Variants in CDH20 observed in about 807,000 individuals in gnomAD.
CDH20 encodes the protein cadherin-20.
Under a neutral mutation model 74.2 loss-of-function variants are expected in CDH20, and 29 were observed. The ratio of observed to expected loss-of-function variants is 0.39; its 90% confidence interval spans 0.29 to 0.53. The LOEUF is 0.53. Ranked by LOEUF, CDH20 falls within the 20% of genes least tolerant of loss-of-function variation. The pLI is 0.69. For missense variants in CDH20, 988 were observed against 1,048.3 expected (o/e 0.94, Z 0.79); for synonymous variants, 469 against 405.4 (o/e 1.16, Z -1.88).
At chr18:61,381,989 C>T (rs1321156377) in intron 1 of CDH20, among the ~76,000 whole-genome samples, 3 of 152,150 alleles carry the variant, frequency 2.0e-5, no homozygotes, top group African/African-American at 4.8e-5. Flanking sequence ...ATGGTCACAA[C>T]TTCTGCTACT....
intron 1 of CDH20, among the ~76,000 whole-genome samples, chr18:61,459,316 A>G (rs1174130666): frequency 6.6e-6 from 1 of 152,036 alleles, no homozygotes; most frequent in African/African-American, 2.4e-5. Context: ...TCTCACACTC[A>G]CCTCAATTAA....
At chr18:61,522,919 A>G (rs750709639) in intron 6 of CDH20, among the ~76,000 whole-genome samples, 13 of 152,228 alleles carry the variant, frequency 8.5e-5, no homozygotes, top group Non-Finnish European at 1.3e-4. Flanking sequence ...TTAACTCAAG[A>G]TGGATTAAAA....
intron 7 of CDH20, among the ~76,000 whole-genome samples, chr18:61,530,801 T>C (rs748822325): frequency 2.0e-5 from 3 of 152,196 alleles, no homozygotes; most frequent in Non-Finnish European, 4.4e-5. Flanking sequence ...ATGTGGAAAC[T>C]GCCTGCCCCC....
intron 6 of CDH20, among the ~76,000 whole-genome samples, 183 bp downstream of exon 6, chr18:61,507,743 T>C (rs1444881756): frequency 6.6e-6 from 1 of 151,564 alleles, no homozygotes; most frequent in Non-Finnish European, 1.5e-5. Flanking sequence ...ATGAAAACAC[T>C]GGCTGTGCCA....
At chr18:61,408,141 G>C (rs1323436366) in intron 1 of CDH20, among the ~76,000 whole-genome samples, 2 of 152,094 alleles carry the variant, frequency 1.3e-5, no homozygotes, top group African/African-American at 4.8e-5. Context: ...TATCATTTAT[G>C]ATACTGAGTT....
chr18:61,386,527 A>G (rs1465633577), intron 1 of CDH20, among the ~76,000 whole-genome samples: 2 of 152,194 alleles, frequency 1.3e-5, no homozygotes, highest in East Asian at 1.9e-4. Flanking sequence ...TAGAAGCCCA[A>G]ACGAATTAAG....
chr18:61,403,093 T>C (rs1010758961), intron 1 of CDH20, among the ~76,000 whole-genome samples: 2 of 152,170 alleles, frequency 1.3e-5, no homozygotes, highest in African/African-American at 4.8e-5. Flanking sequence ...ATCAAGATCT[T>C]ATAAATAGTG....
chr18:61,484,452 G>A (rs998846697), intron 1 of CDH20, among the ~76,000 whole-genome samples: 3 of 152,052 alleles, frequency 2.0e-5, no homozygotes, highest in East Asian at 1.9e-4. Context: ...CAATCTATTC[G>A]CCAGCCTTGG....
chr18:61,491,995 G>A (rs1011745031), intron 2 of CDH20, among the ~76,000 whole-genome samples: 2 of 151,972 alleles, frequency 1.3e-5, no homozygotes, highest in East Asian at 2.0e-4. Context: ...GGGTGGACTC[G>A]CCACCTCTGC....
At chr18:61,547,977 A>G (rs1913311103) in intron 10 of CDH20, among the ~76,000 whole-genome samples, 1 of 152,234 alleles carries the variant, frequency 6.6e-6, no homozygotes, top group Admixed American at 6.5e-5. Flanking sequence ...CAGACTTTCT[A>G]AAAGTCTCAT....
Position 61,544,304 on chromosome 18 carries a change from CGT to C in CDH20, c.1531-718_1531-717del, listed in dbSNP as rs1913148787. Among the ~76,000 whole-genome samples the C allele has an allele frequency of 2.0e-5, 3 of 152,346 alleles. No individual in the cohort carries two copies. In the South Asian group the frequency reaches 6.2e-4, roughly 32 times the overall value. On this transcript the variant is annotated intron_variant, in intron 9 of 11. Transcript: ENST00000262717. ...CTAGGACTCCTGAAGCCCAAGTGGG[CGT>C]GTGTTACAGTGTGCTCACTCTCAGC...
chr18:61,373,997 G>A (rs1043710839), intron 1 of CDH20, among the ~76,000 whole-genome samples: 4 of 152,124 alleles, frequency 2.6e-5, no homozygotes, highest in African/African-American at 9.7e-5. Flanking sequence ...AGTCTTTTCT[G>A]TAAGATTGAG....
chr18:61,526,704 A>T (rs1336384140), intron 6 of CDH20, among the ~76,000 whole-genome samples: 1 of 152,200 alleles, frequency 6.6e-6, no homozygotes, highest in Non-Finnish European at 1.5e-5. Context: ...GAAAAAAAAA[A>T]TTCTGAAGAT....
chr18:61,500,041 T>G lies in CDH20; in HGVS notation c.542-342T>G, dbSNP rs925226449. On this transcript the variant is annotated intron_variant, in intron 3 of 11. Transcript: ENST00000262717. ...ATCACTTGAACCCGGGAGGTGGAGATTTCAGTGAGCTGAGATCACGCCACT... is the reference window on the plus strand; with the variant it reads ...ATCACTTGAACCCGGGAGGTGGAGAGTTCAGTGAGCTGAGATCACGCCACT... Among the ~76,000 whole-genome samples the G allele has an allele frequency of 1.5e-4, 20 of 135,996 alleles. 2 individuals carry two copies. The highest frequency in any genetic ancestry group is 9.9e-4 in the Admixed American group (12 of 12,106). The allele number at this position is 135,996 out of a possible 152,430, so 89.2% of individuals were successfully genotyped here.
intron 1 of CDH20, among the ~76,000 whole-genome samples, chr18:61,370,805 A>G (rs1911010349): frequency 1.3e-5 from 2 of 152,134 alleles, no homozygotes; most frequent in African/African-American, 4.8e-5. Context: ...TTTCTTTGCA[A>G]TATTGGCTCT....
At position 61,493,214 on chromosome 18, in the gene CDH20, C is replaced by G. The variant is rs564427563; in HGVS notation, c.246+2415C>G. Among the ~76,000 whole-genome samples the G allele has an allele frequency of 9.2e-5, 14 of 152,206 alleles. No individual in the cohort carries two copies. The South Asian group carries it at 2.9e-3, about 32-fold the overall frequency. The stretch of plus-strand genomic sequence containing the variant: ...CACGTGCAATCGGTCCCCATATCTG[C>G]CAATATTTCTGTGCCAGTTTCTCTC... On this transcript the variant is annotated intron_variant, in intron 2 of 11. Coordinates refer to ENST00000262717, the MANE Select transcript of CDH20 (RefSeq NM_031891.4).
At position 61,555,492 on chromosome 18, in the gene CDH20, G is replaced by A. The variant is rs989275495; in HGVS notation, c.*797G>A. 24 of 985,262 alleles carry A rather than the reference G, an allele frequency of 2.4e-5. No homozygotes were observed. The highest frequency in any genetic ancestry group is 2.9e-5 in the Non-Finnish European group (24 of 829,914). The allele number at this position is 985,262 out of a possible 1,614,324, so 61.0% of individuals were successfully genotyped here. A position where few individuals can be genotyped will look rare whatever the true frequency, so the allele number is the denominator to read the frequency against. ...TGCACTGTAGATGTCTCTTCCATGT[G>A]CCAAATGTGGAGATTAGATGCTACA... On this transcript the variant is annotated 3_prime_UTR_variant, in exon 12 of 12. Coordinates refer to ENST00000262717, the MANE Select transcript of CDH20 (RefSeq NM_031891.4).
At chr18:61,454,025 A>C (rs1909488213) in intron 1 of CDH20, among the ~76,000 whole-genome samples, 1 of 152,142 alleles carries the variant, frequency 6.6e-6, no homozygotes, top group South Asian at 2.1e-4. Flanking sequence ...ACTATGTCAT[A>C]GTGGCTTTAA....
chr18:61,391,192 T>C (rs955697744), intron 1 of CDH20, among the ~76,000 whole-genome samples: 1 of 152,102 alleles, frequency 6.6e-6, no homozygotes, highest in Admixed American at 6.5e-5. Flanking sequence ...AAATAATAAA[T>C]ATAAATGGTC....
Sources: gnomAD v4.1 joint callset for allele counts (sites outside exome capture counted in the v4.1 genomes callset) on GRCh38, gnomAD v4.1.1 for gene constraint, MANE v1.5 for transcripts, NCBI Gene and HGNC (gene_info 2026-07-23, HGNC 2026-07-21) for gene names.